The following BTBD9 variants were observed in gnomAD, a reference collection of about 807,000 sequenced individuals.
BTBD9 encodes BTB domain containing 9.
Under a neutral mutation model 64.3 loss-of-function variants are expected in BTBD9, and 49 were observed. That is an observed-to-expected ratio of 0.76 (90% CI 0.61 to 0.97). The LOEUF is 0.97. Ranked by LOEUF, BTBD9 falls within the 50% of genes least tolerant of loss-of-function variation. The pLI is 0.00. For synonymous variants in BTBD9, 260 were observed against 274.7 expected (o/e 0.95, Z 0.53); for missense variants, 598 against 762.1 (o/e 0.78, Z 2.53).
chr6:38,398,226 C>T (rs1176271129), intron 6 of BTBD9, among the ~76,000 whole-genome samples: 1 of 152,184 alleles, frequency 6.6e-6, no homozygotes, highest in Non-Finnish European at 1.5e-5. Context: ...ATTTTAAAAA[C>T]ACTATATTAA....
At chr6:38,409,684 T>G (rs1767324414) in intron 6 of BTBD9, among the ~76,000 whole-genome samples, 3 of 151,612 alleles carry the variant, frequency 2.0e-5, no homozygotes. Context: ...ATTAGCCAAG[T>G]ATGGTGGTCC....
chr6:38,208,550 G>T (rs765610290), intron 9 of BTBD9, among the ~76,000 whole-genome samples: 1 of 152,186 alleles, frequency 6.6e-6, no homozygotes, highest in Non-Finnish European at 1.5e-5. Context: ...CAGAGCTAGA[G>T]AGGGTGTCCT....
chr6:38,520,150 C>T (rs1773215665), intron 6 of BTBD9, among the ~76,000 whole-genome samples: 1 of 151,802 alleles, frequency 6.6e-6, no homozygotes, highest in Non-Finnish European at 1.5e-5. Flanking sequence ...AAAAAAATCA[C>T]ATGAAAATAC....
Position 38,366,629 on chromosome 6 carries a change from T to C in BTBD9, c.1155-21536A>G, listed in dbSNP as rs1345787025. Among the ~76,000 whole-genome samples, 3 of 152,326 alleles carry C rather than the reference T, an allele frequency of 2.0e-5. No homozygotes were observed. In the East Asian group the frequency reaches 5.8e-4, roughly 29 times the overall value. Reference sequence around the variant, plus strand: ...AAGACACATATTTAAAACGAAATATTTTGGAAGCTGCTAAACATTGAAATG... The same window carrying C: ...AAGACACATATTTAAAACGAAATATCTTGGAAGCTGCTAAACATTGAAATG... On this transcript the variant is annotated intron_variant, in intron 6 of 10. Transcript: ENST00000481247.
At chr6:38,329,753 G>C (rs532868633) in intron 7 of BTBD9, among the ~76,000 whole-genome samples, 1 of 152,012 alleles carries the variant, frequency 6.6e-6, no homozygotes, top group Admixed American at 6.5e-5. Context: ...TCAGGAGTTC[G>C]AGAACAGCCT....
chr6:38,508,895 T>G (rs1307446237), intron 6 of BTBD9, among the ~76,000 whole-genome samples: 8 of 152,080 alleles, frequency 5.3e-5, no homozygotes, highest in Non-Finnish European at 1.2e-4. Context: ...AAGACTAAGC[T>G]AGGCAATCCT....
At chr6:38,588,010 G>A (rs1354793035) in intron 4 of BTBD9, 2 of 742,414 alleles carry the variant, frequency 2.7e-6, no homozygotes, top group South Asian at 1.4e-5. Flanking sequence ...TTCAGCCACA[G>A]CAACCACCAT....
chr6:38,204,046 A>C (rs922722455), intron 9 of BTBD9, among the ~76,000 whole-genome samples: 4 of 152,146 alleles, frequency 2.6e-5, no homozygotes, highest in African/African-American at 7.2e-5. Context: ...GTATCAATAA[A>C]ATTAAAAATT....
At chr6:38,237,320 T>C (rs575398475) in intron 9 of BTBD9, among the ~76,000 whole-genome samples, 1 of 152,326 alleles carries the variant, frequency 6.6e-6, no homozygotes, top group East Asian at 1.9e-4. Context: ...GATCTATCAT[T>C]CTGATCAACA....
At position 38,195,309 on chromosome 6, in the gene BTBD9, T is replaced by C. The variant is rs76876552; in HGVS notation, c.1563-2712A>G. 2.0e-4 allele frequency among the ~76,000 whole-genome samples: 30 copies of C among 152,328 alleles called. No individual in the cohort carries two copies. In the East Asian group the frequency reaches 5.8e-3, roughly 29 times the overall value. ...TGCAAAACCTTGACTGCCATGTTTA[T>C]TGGGCTTTATTGATAGCTGCATAAA... On this transcript the variant is annotated intron_variant, in intron 9 of 10. Transcript: ENST00000481247.
chr6:38,490,924 T>TAGA (rs1355480456), intron 6 of BTBD9, among the ~76,000 whole-genome samples: 5 of 152,202 alleles, frequency 3.3e-5, no homozygotes, highest in Admixed American at 1.3e-4. Flanking sequence ...AGGCACCAGG[T>TAGA]AATCTGACTG....
chr6:38,310,070 A>C (rs1046577229), intron 7 of BTBD9, among the ~76,000 whole-genome samples: 9 of 152,168 alleles, frequency 5.9e-5, no homozygotes, highest in African/African-American at 2.2e-4. Flanking sequence ...ATTGAGTGAG[A>C]GGTGTGAGAA....
chr6:38,321,120 G>A (rs1763216621), intron 7 of BTBD9, among the ~76,000 whole-genome samples: 1 of 152,210 alleles, frequency 6.6e-6, no homozygotes, highest in African/African-American at 2.4e-5. Context: ...ATTAAACGAA[G>A]GGGTCTTCCC....
chr6:38,224,471 C>A (rs1224127329), intron 9 of BTBD9, among the ~76,000 whole-genome samples: 2 of 152,160 alleles, frequency 1.3e-5, no homozygotes, highest in Non-Finnish European at 2.9e-5. Context: ...GGGAAGAGGA[C>A]CCTTGGGGTA....
intron 6 of BTBD9, among the ~76,000 whole-genome samples, chr6:38,465,753 A>ATATATATATATG (rs1554158495): frequency 1.8e-4 from 7 of 39,734 alleles, no homozygotes; most frequent in Admixed American, 3.2e-4. Context: ...ATATATATAT[A>ATATATATATATG]TATGTATGTA....
chr6:38,417,562 C>T (rs183065201), intron 6 of BTBD9, among the ~76,000 whole-genome samples: 5 of 152,218 alleles, frequency 3.3e-5, no homozygotes, highest in Admixed American at 3.3e-4. Context: ...TCACTTGAGT[C>T]TGCGACTTTG....
chr6:38,508,252 T>G (rs1442065001), intron 6 of BTBD9, among the ~76,000 whole-genome samples: 1 of 152,154 alleles, frequency 6.6e-6, no homozygotes, highest in Non-Finnish European at 1.5e-5. Context: ...ATATTTAAAG[T>G]GACTTTATCA....
At chr6:38,381,300 A>G (rs1765924307) in intron 6 of BTBD9, among the ~76,000 whole-genome samples, 1 of 152,228 alleles carries the variant, frequency 6.6e-6, no homozygotes, top group Non-Finnish European at 1.5e-5. Flanking sequence ...TAACAAGTGT[A>G]GATGCAAAAG....
At chr6:38,618,973 G>T (rs1056498003) in intron 1 of BTBD9, among the ~76,000 whole-genome samples, 1 of 152,188 alleles carries the variant, frequency 6.6e-6, no homozygotes, top group African/African-American at 2.4e-5. Context: ...AGATCATGGG[G>T]ACTGGAGTCG....
Sources: gnomAD v4.1 joint callset for allele counts (sites outside exome capture counted in the v4.1 genomes callset) on GRCh38, gnomAD v4.1.1 for gene constraint, MANE v1.5 for transcripts, NCBI Gene and HGNC (gene_info 2026-07-23, HGNC 2026-07-21) for gene names.